The following TMEM132E variants were observed in gnomAD, a reference collection of about 807,000 sequenced individuals.
TMEM132E encodes transmembrane protein 132E.
Under a neutral mutation model 78.5 loss-of-function variants are expected in TMEM132E, and 49 were observed. The observed-to-expected ratio is 0.62, with a 90% CI of 0.50 to 0.79. The LOEUF is 0.79. Among genes scored for constraint, TMEM132E ranks in the 30% least tolerant of loss-of-function variants. The probability of loss-of-function intolerance (pLI) is 0.00; values close to 1 mark genes in which losing one functional copy is unlikely to be tolerated. For synonymous variants in TMEM132E, 715 were observed against 670.6 expected (o/e 1.07, Z -1.02); for missense variants, 1,403 against 1,470.9 (o/e 0.95, Z 0.75).
intron 1 of TMEM132E, among the ~76,000 whole-genome samples, chr17:34,591,547 G>T (rs1220268419): frequency 2.0e-5 from 3 of 152,234 alleles, no homozygotes; most frequent in Non-Finnish European, 4.4e-5. Flanking sequence ...CTAGCCTCAA[G>T]TGATTCTCTG....
At chr17:34,591,975 C>T (rs1905884040) in intron 1 of TMEM132E, among the ~76,000 whole-genome samples, 1 of 152,202 alleles carries the variant, frequency 6.6e-6, no homozygotes, top group Non-Finnish European at 1.5e-5. Flanking sequence ...TGCTACGTGC[C>T]TGCTGGAGGG....
Position 34,636,143 on chromosome 17 carries a change from GC to G in TMEM132E, c.2116del (p.His706ThrfsTer4). On this transcript the variant is annotated frameshift_variant, in exon 8 of 9. Transcript: ENST00000631683. LOFTEE classifies it high-confidence loss of function. ...ALSLRPSPGSSHTILATTAAQ... is the reference protein window; with the variant it reads ...ALSLRPSPGSXHTILATTAAQ... ...TCCCTGCGGCCCAGCCCTGGGAGCAGCCACACCATCCTAGCCACCACAGCTG... is the reference window on the plus strand; with the variant it reads ...TCCCTGCGGCCCAGCCCTGGGAGCAGCACACCATCCTAGCCACCACAGCTG... 1 of 1,585,100 alleles carries G rather than the reference GC, an allele frequency of 6.3e-7. No individual in the cohort carries two copies. Among genetic ancestry groups the G allele is most frequent in the Non-Finnish European group, 8.6e-7 (1 of 1,167,154 alleles).
intron 1 of TMEM132E, among the ~76,000 whole-genome samples, chr17:34,588,286 G>A (rs1191750849): frequency 6.6e-6 from 1 of 152,156 alleles, no homozygotes; most frequent in East Asian, 1.9e-4. Flanking sequence ...ACTACCCACT[G>A]CAACTCATTG....
intron 1 of TMEM132E, among the ~76,000 whole-genome samples, chr17:34,588,861 C>A (rs1905765521): frequency 6.6e-6 from 1 of 152,172 alleles, no homozygotes; most frequent in African/African-American, 2.4e-5. Context: ...TCAAGTGATT[C>A]TCCTGCCTCA....
At chr17:34,628,788 G>A (rs370283057) in intron 3 of TMEM132E, 79 bp downstream of exon 3, 3 of 1,467,476 alleles carry the variant, frequency 2.0e-6, no homozygotes, top group African/African-American at 1.4e-5. Flanking sequence ...TGAAGGAGGA[G>A]GCTAGGCTTG....
intron 1 of TMEM132E, among the ~76,000 whole-genome samples, chr17:34,609,167 G>A (rs888164062): frequency 6.6e-6 from 1 of 152,202 alleles, no homozygotes; most frequent in Non-Finnish European, 1.5e-5. Context: ...TGGAGTCTGG[G>A]GGGTGTCTGA....
chr17:34,606,259 A>G (rs887337332), intron 1 of TMEM132E, among the ~76,000 whole-genome samples: 19 of 152,218 alleles, frequency 1.2e-4, no homozygotes, highest in Admixed American at 6.5e-5. Flanking sequence ...AGGCAGGAGA[A>G]TCGCTTGAAC....
chr17:34,608,846 C>A (rs142619100), intron 1 of TMEM132E, among the ~76,000 whole-genome samples: 1 of 152,128 alleles, frequency 6.6e-6, no homozygotes, highest in African/African-American at 2.4e-5. Context: ...AATGTCCAGC[C>A]GAATACCCCG....
Position 34,637,355 on chromosome 17 carries a change from T to G in TMEM132E, c.2348T>G (p.Leu783Arg). ...VAEAEGSGEL[L>R]RAELTIAESC... ...GAGGCCGAGGGGTCAGGGGAGCTGC[T>G]TCGCGCAGAGCTAACCATCGCTGAG... The change falls in exon 9 of 9, where the codon CTT (leucine) becomes CGT (arginine). Residue 783 changes from leucine to arginine, a missense_variant. Transcript: ENST00000631683. 1 of 1,614,000 alleles carries G rather than the reference T, an allele frequency of 6.2e-7. No individual in the cohort carries two copies. Among genetic ancestry groups the G allele is most frequent in the Non-Finnish European group, 8.5e-7 (1 of 1,180,040 alleles).
chr17:34,628,896 A>G, intron 3 of TMEM132E, 116 bp from the exon 4 acceptor site: 1 of 1,396,592 alleles, frequency 7.2e-7, no homozygotes, highest in Non-Finnish European at 9.7e-7. Flanking sequence ...GAAGGCCCAG[A>G]GGGCCCCATC....
At position 34,580,237 on chromosome 17, in the gene TMEM132E, C is replaced by T. The variant is rs1905416343; in HGVS notation, c.-840C>T. ...CGGCTTTCTCGCTCCCTCGCTTCTC[C>T]AAGCCCCATCTACATGGGGCAGCCC... On this transcript the variant is annotated 5_prime_UTR_variant, in exon 1 of 9. Transcript: ENST00000631683. 6.6e-6 allele frequency: 1 copy of T among 152,362 alleles called. No homozygotes were observed. The highest frequency in any genetic ancestry group is 1.5e-5 in the Non-Finnish European group (1 of 68,146). 9.4% of individuals were successfully genotyped at this position (152,362 alleles called of 1,614,324 possible).
In TMEM132E at chr17:34,580,707, T is replaced by C. The variant is rs34236857; in HGVS notation, c.-370T>C. ...CCCTCGAGTGAGTTCGGATTCGAGCTGGGCCGTGAGGCCGGGAGATTCAGC... is the reference window on the plus strand; with the variant it reads ...CCCTCGAGTGAGTTCGGATTCGAGCCGGGCCGTGAGGCCGGGAGATTCAGC... On this transcript the variant is annotated 5_prime_UTR_variant, in exon 1 of 9. Coordinates refer to ENST00000631683, the MANE Select transcript of TMEM132E (RefSeq NM_001304438.2). The C allele has an allele frequency of 1.2e-3, 259 of 218,900 alleles. 1 individual carries two copies. Among genetic ancestry groups the C allele is most frequent in the African/African-American group, 5.6e-3 (245 of 43,980 alleles). The allele number at this position is 218,900 out of a possible 1,614,324, so 13.6% of individuals were successfully genotyped here. A position where few individuals can be genotyped will look rare whatever the true frequency, so the allele number is the denominator to read the frequency against.
At position 34,634,814 on chromosome 17, in the gene TMEM132E, CGAGGAT is replaced by C. The variant is rs763637469; in HGVS notation, c.1716_1721del (p.Asp572_Glu573del). The C allele has an allele frequency of 2.5e-6, 4 of 1,613,260 alleles. No homozygotes were observed. The highest frequency in any genetic ancestry group is 2.2e-5 in the East Asian group (1 of 44,866). On this transcript the variant is annotated inframe_deletion, in exon 7 of 9. Transcript: ENST00000631683. Reference sequence around the variant, plus strand: ...CCCACCCCAGGTCAGTCCGGGAAAGCGAGGATGAGGATGAGGAGGAGGAGGAGCGGC... The same window carrying C: ...CCCACCCCAGGTCAGTCCGGGAAAGCGAGGATGAGGAGGAGGAGGAGCGGC...
At chr17:34,611,713 A>C (rs536719478) in intron 1 of TMEM132E, among the ~76,000 whole-genome samples, 1 of 152,260 alleles carries the variant, frequency 6.6e-6, no homozygotes, top group Non-Finnish European at 1.5e-5. Context: ...ACTCCACAAC[A>C]ATTATGTATG....
chr17:34,605,604 C>T (rs1906385828), intron 1 of TMEM132E, among the ~76,000 whole-genome samples: 1 of 152,214 alleles, frequency 6.6e-6, no homozygotes, highest in Non-Finnish European at 1.5e-5. Context: ...AGCCCCCCAC[C>T]ATCAGCACCA....
chr17:34,635,352 T>C (rs1345026290), intron 7 of TMEM132E, among the ~76,000 whole-genome samples: 1 of 151,850 alleles, frequency 6.6e-6, no homozygotes, highest in African/African-American at 2.4e-5. Flanking sequence ...CAGGTGAGAG[T>C]CAGCCAGCCT....
At chr17:34,626,015 A>C in intron 1 of TMEM132E, 112 bp from the exon 2 acceptor site, 2 of 995,184 alleles carry the variant, frequency 2.0e-6, no homozygotes, top group Non-Finnish European at 1.4e-6. Context: ...CTGCCCAGCT[A>C]GAGGAGTTGG....
Position 34,637,823 on chromosome 17 carries a change from G to A in TMEM132E, c.2816G>A (p.Gly939Asp). The A allele has an allele frequency of 6.2e-7, 1 of 1,611,480 alleles. No homozygotes were observed. Among genetic ancestry groups the A allele is most frequent in the East Asian group, 2.2e-5 (1 of 44,816 alleles). The change falls in exon 9 of 9, where the codon GGC (glycine) becomes GAC (aspartate). Residue 939 changes from glycine (G) to aspartate (D), a missense_variant. Physicochemically the swap from Gly to Asp is moderately conservative, Grantham distance 94. Around this residue, in one of 3 missense-constraint regions of TMEM132E, gnomAD observed 888 missense variants for 952.8 expected, o/e 0.93. Transcript: ENST00000631683. ...MDHSHHWVFL[G>D]NGQPLRVQGE... ...CACTCTCACCACTGGGTGTTCCTGGGCAACGGGCAGCCGCTGCGGGTGCAA... is the reference window on the plus strand; with the variant it reads ...CACTCTCACCACTGGGTGTTCCTGGACAACGGGCAGCCGCTGCGGGTGCAA...
chr17:34,599,856 G>A (rs530155896), intron 1 of TMEM132E, among the ~76,000 whole-genome samples: 3 of 151,848 alleles, frequency 2.0e-5, no homozygotes, highest in Admixed American at 2.0e-4. Context: ...CACCTTCTCA[G>A]CACCTAGACC....
Sources: gnomAD v4.1 joint callset for allele counts (sites outside exome capture counted in the v4.1 genomes callset) on GRCh38, gnomAD v4.1.1 for gene constraint, gnomAD v4.1.1 regional missense constraint, MANE v1.5 for transcripts, NCBI Gene and HGNC (gene_info 2026-07-23, HGNC 2026-07-21) for gene names.